Variants in SLC4A4 observed in about 807,000 individuals in gnomAD.
The protein encoded by SLC4A4 is electrogenic sodium bicarbonate cotransporter 1.
A neutral mutation model predicts 111.5 loss-of-function variants in SLC4A4; 27 were observed. That is an observed-to-expected ratio of 0.24 (90% CI 0.18 to 0.33). The LOEUF (loss-of-function observed/expected upper bound fraction) is 0.33, where lower values mean the gene tolerates loss of function less well. Among genes scored for constraint, SLC4A4 ranks in the 10% least tolerant of loss-of-function variants. SLC4A4 has a pLI of 1.00. For synonymous variants in SLC4A4, 443 were observed against 463.4 expected (o/e 0.96, Z 0.57); for missense variants, 909 against 1,315.5 (o/e 0.69, Z 4.78).
At chr4:71,489,691 C>T (rs534811049) in intron 15 of SLC4A4, among the ~76,000 whole-genome samples, 5 of 151,690 alleles carry the variant, frequency 3.3e-5, no homozygotes, top group African/African-American at 1.2e-4. Flanking sequence ...TTATGCTAGC[C>T]GGCTCTCCTA....
intron 2 of SLC4A4, among the ~76,000 whole-genome samples, chr4:71,246,350 A>G (rs1350603884): frequency 6.6e-6 from 1 of 152,200 alleles, no homozygotes; most frequent in Non-Finnish European, 1.5e-5. Context: ...GGCTGTGCTC[A>G]TCCCAAAAGA....
intron 7 of SLC4A4, among the ~76,000 whole-genome samples, chr4:71,440,024 T>G (rs983789484): frequency 2.0e-5 from 3 of 152,020 alleles, no homozygotes; most frequent in African/African-American, 7.2e-5. Context: ...GTCTTTGCAT[T>G]TCCCATTCTT....
Position 71,472,682 on chromosome 4 carries a change from T to G in SLC4A4, c.1632-17T>G. 1 of 1,611,934 alleles carries G rather than the reference T, an allele frequency of 6.2e-7. No homozygotes were observed. The highest frequency in any genetic ancestry group is 1.1e-5 in the South Asian group (1 of 91,010). The stretch of plus-strand genomic sequence containing the variant: ...CCAAGGAGGAGGAATCTAAACATTT[T>G]TCTTTCTTTTTTCCAGGGACAATAA... On this transcript the variant is annotated splice_polypyrimidine_tract_variant and intron_variant, in intron 13 of 25. Transcript: ENST00000264485.
At position 71,338,670 on chromosome 4, in the gene SLC4A4, G is replaced by A. The variant is rs535262755; in HGVS notation, c.254-700G>A. ...GATAGGGTCAAAAGGAGCTAGTAGG[G>A]CATTCAATTATGTGCTTGAGTGTGT... On this transcript the variant is annotated intron_variant, in intron 3 of 25. Transcript: ENST00000264485. Among the ~76,000 whole-genome samples the A allele has an allele frequency of 1.2e-4, 18 of 150,266 alleles. No homozygotes were observed. In the East Asian group the frequency reaches 3.3e-3, roughly 28 times the overall value.
At chr4:71,388,753 G>A (rs1718995116) in intron 6 of SLC4A4, among the ~76,000 whole-genome samples, 1 of 152,078 alleles carries the variant, frequency 6.6e-6, no homozygotes, top group Non-Finnish European at 1.5e-5. Context: ...CCCTCACTGT[G>A]TTGCTCAGGG....
chr4:71,249,253 A>G (rs1720892250), intron 2 of SLC4A4, among the ~76,000 whole-genome samples: 1 of 152,182 alleles, frequency 6.6e-6, no homozygotes, highest in African/African-American at 2.4e-5. Flanking sequence ...TAAAATTAAA[A>G]TAAATTACTT....
intron 7 of SLC4A4, among the ~76,000 whole-genome samples, chr4:71,404,037 C>A (rs1167871730): frequency 6.6e-6 from 1 of 152,080 alleles, no homozygotes; most frequent in East Asian, 1.9e-4. Flanking sequence ...AAAAGAGTTT[C>A]CCAGTTAAAA....
intron 2 of SLC4A4, among the ~76,000 whole-genome samples, chr4:71,153,762 G>A (rs941534006): frequency 1.3e-5 from 2 of 152,048 alleles, no homozygotes; most frequent in African/African-American, 4.8e-5. Context: ...CTACTTCACC[G>A]ATTAGTAGCC....
chr4:71,380,369 A>G (rs1718004108), intron 6 of SLC4A4, among the ~76,000 whole-genome samples: 1 of 152,178 alleles, frequency 6.6e-6, no homozygotes, highest in African/African-American at 2.4e-5. Context: ...GAAGTTAAGT[A>G]TTTATGGTAG....
At chr4:71,349,690 G>A (rs1047689443) in intron 4 of SLC4A4, among the ~76,000 whole-genome samples, 4 of 152,108 alleles carry the variant, frequency 2.6e-5, no homozygotes, top group Non-Finnish European at 4.4e-5. Flanking sequence ...TCTCTTGCTT[G>A]GCTTTTTTCT....
chr4:71,074,060 G>C (rs1414006382), intron 1 of SLC4A4, among the ~76,000 whole-genome samples: 2 of 152,084 alleles, frequency 1.3e-5, no homozygotes, highest in African/African-American at 4.8e-5. Context: ...TCCAGGAAAG[G>C]TGCTACTATA....
chr4:71,375,655 C>A (rs1477188912), intron 6 of SLC4A4, among the ~76,000 whole-genome samples: 2 of 152,132 alleles, frequency 1.3e-5, no homozygotes, highest in African/African-American at 2.4e-5. Flanking sequence ...TACTAGCTAT[C>A]AATTTCTTAA....
chr4:71,074,918 A>G (rs1366251879), intron 1 of SLC4A4, among the ~76,000 whole-genome samples: 1 of 152,144 alleles, frequency 6.6e-6, no homozygotes, highest in Non-Finnish European at 1.5e-5. Flanking sequence ...GTTTGTTCTG[A>G]CTTCTACTTC....
At chr4:71,477,879 G>A (rs1728509650) in intron 14 of SLC4A4, among the ~76,000 whole-genome samples, 1 of 151,774 alleles carries the variant, frequency 6.6e-6, no homozygotes, top group Non-Finnish European at 1.5e-5. Context: ...TCTGACAGAA[G>A]GCTAATATCC....
At chr4:71,301,445 G>A (rs1725250160) in intron 3 of SLC4A4, among the ~76,000 whole-genome samples, 1 of 152,286 alleles carries the variant, frequency 6.6e-6, no homozygotes, top group South Asian at 2.1e-4. Context: ...AATCTAGGGT[G>A]CAGGCTGACA....
In SLC4A4 at chr4:71,451,174, G is replaced by A. The variant is rs1252177878; in HGVS notation, c.1209-14G>A. The A allele has an allele frequency of 4.2e-5, 63 of 1,509,440 alleles. No homozygotes were observed. Among genetic ancestry groups the A allele is most frequent in the Non-Finnish European group, 5.4e-5 (59 of 1,084,576 alleles). 93.5% of individuals were successfully genotyped at this position (1,509,440 alleles called of 1,614,324 possible). A position where few individuals can be genotyped will look rare whatever the true frequency, so the allele number is the denominator to read the frequency against. On this transcript the variant is annotated splice_polypyrimidine_tract_variant and intron_variant, in intron 10 of 25. Transcript: ENST00000264485. ...ATAAACTAATATACTCTTGGGCTCT[G>A]TTGTCTTGCTTAGAAAGAATATGTA...
chr4:71,401,811 A>G (rs76304910), intron 7 of SLC4A4, among the ~76,000 whole-genome samples: 1 of 152,220 alleles, frequency 6.6e-6, no homozygotes, highest in Non-Finnish European at 1.5e-5. Context: ...TCACAATTAC[A>G]TGTCAACCTC....
At chr4:71,067,915 T>G (rs970623658) in intron 1 of SLC4A4, among the ~76,000 whole-genome samples, 3 of 152,014 alleles carry the variant, frequency 2.0e-5, no homozygotes, top group Non-Finnish European at 4.4e-5. Context: ...ACCTGGCTAA[T>G]TTTTAAAAAT....
intron 3 of SLC4A4, among the ~76,000 whole-genome samples, chr4:71,327,615 A>C (rs1203815963): frequency 6.6e-6 from 1 of 152,062 alleles, no homozygotes; most frequent in Non-Finnish European, 1.5e-5. Flanking sequence ...ACCATTCAAA[A>C]ATATTAGTTA....
Sources: allele counts gnomAD v4.1 joint callset (sites outside exome capture counted in the v4.1 genomes callset), GRCh38; gene constraint gnomAD v4.1.1; transcripts MANE v1.5; gene names NCBI Gene and HGNC (gene_info 2026-07-23, HGNC 2026-07-21).